The following RBFOX3 variants were observed in gnomAD, a reference collection of about 807,000 sequenced individuals.
RBFOX3 encodes RNA binding fox-1 homolog 3.
RBFOX3 carries 17 observed loss-of-function variants against 48.7 expected under a neutral mutation model. That is an observed-to-expected ratio of 0.35 (90% CI 0.24 to 0.52). The LOEUF (loss-of-function observed/expected upper bound fraction) is 0.52, where lower values mean the gene tolerates loss of function less well. Ranked by LOEUF, RBFOX3 falls within the 20% of genes least tolerant of loss-of-function variation. The pLI is 0.94. For missense variants in RBFOX3, 382 were observed against 497.5 expected, an observed-to-expected ratio of 0.77 and a Z score of 2.21; for synonymous variants, 212 against 209.5, an observed-to-expected ratio of 1.01 and a Z score of -0.10.
intron 3 of RBFOX3, among the ~76,000 whole-genome samples, chr17:79,278,439 G>T (rs922690367): frequency 6.6e-6 from 1 of 152,226 alleles, no homozygotes; most frequent in Non-Finnish European, 1.5e-5. Flanking sequence ...CAGAGTGGGG[G>T]AGGTTGAAGC....
At chr17:79,183,427 C>G (rs1026488094) in intron 4 of RBFOX3, 14 of 152,184 alleles carry the variant, frequency 9.2e-5, no homozygotes, top group African/African-American at 3.4e-4. Context: ...TCGGAGTGTG[C>G]GCGCGCCCTG....
intron 4 of RBFOX3, among the ~76,000 whole-genome samples, chr17:79,120,779 C>A (rs140699269): frequency 6.6e-6 from 1 of 151,302 alleles, no homozygotes; most frequent in African/African-American, 2.4e-5. Context: ...GATGGATAGA[C>A]GGATGAGTTT....
Position 79,212,781 on chromosome 17 carries a change from C to T in RBFOX3, c.-34+22985G>A, listed in dbSNP as rs1371978406. ...GCGGGGAATGGGAGAAAGTGCCTGG[C>T]TCTAAACAGAAGCCAGGCCCATTCT... is the stretch of plus-strand genomic sequence containing the variant. On this transcript the variant is annotated intron_variant, in intron 4 of 14. Coordinates refer to ENST00000693108, the MANE Select transcript of RBFOX3 (RefSeq NM_001350451.2). The surrounding 1 kb of genome is among the most constrained non-coding windows in gnomAD (Gnocchi z 4.7). Among the ~76,000 whole-genome samples, 1 of 152,126 alleles carries T rather than the reference C, an allele frequency of 6.6e-6. No homozygotes were observed. The highest frequency in any genetic ancestry group is 1.9e-4 in the East Asian group (1 of 5,170).
At chr17:79,430,269 C>CAAATAAATAAATAAATAAAT (rs56370699) in intron 2 of RBFOX3, among the ~76,000 whole-genome samples, 4 of 143,938 alleles carry the variant, frequency 2.8e-5, no homozygotes, top group Non-Finnish European at 3.0e-5. Flanking sequence ...AAACATCTTC[C>CAAATAAATAAATAAATAAAT]AAATAAATAA....
intron 1 of RBFOX3, among the ~76,000 whole-genome samples, chr17:79,555,824 T>C (rs965205775): frequency 3.2e-4 from 48 of 152,036 alleles, no homozygotes; most frequent in African/African-American, 1.1e-3. Flanking sequence ...ACGATGATGA[T>C]AGTAATGATG....
chr17:79,651,780 T>A, the RBFOX3 span, among the ~76,000 whole-genome samples: 1 of 141,508 alleles, frequency 7.1e-6, no homozygotes, highest in Non-Finnish European at 1.5e-5. Flanking sequence ...CCTCTCCCTG[T>A]CCATCCTTCT....
chr17:79,287,157 G>A (rs1294586411), intron 3 of RBFOX3, among the ~76,000 whole-genome samples: 1 of 152,212 alleles, frequency 6.6e-6, no homozygotes, highest in Admixed American at 6.5e-5. Flanking sequence ...CTCTTTTTAA[G>A]GGGACAATCG....
intron 4 of RBFOX3, among the ~76,000 whole-genome samples, chr17:79,193,122 G>A (rs987633653): frequency 3.3e-5 from 5 of 152,240 alleles, no homozygotes; most frequent in South Asian, 2.1e-4. Flanking sequence ...TCACTTGCTC[G>A]GTGGGGGCAG....
At chr17:79,219,687 T>C (rs563080966) in intron 4 of RBFOX3, among the ~76,000 whole-genome samples, 54 of 152,208 alleles carry the variant, frequency 3.5e-4, no homozygotes, top group African/African-American at 1.2e-3. Flanking sequence ...AAGCTGCTCG[T>C]GTCTGGGCTC....
At chr17:79,661,300 A>T in the RBFOX3 span, among the ~76,000 whole-genome samples, 6 of 152,218 alleles carry the variant, frequency 3.9e-5, no homozygotes, top group Middle Eastern at 3.4e-3. Context: ...GATTTTTTTT[A>T]AAAAAGGTTA....
intron 3 of RBFOX3, among the ~76,000 whole-genome samples, chr17:79,238,417 T>C (rs1276938896): frequency 1.3e-5 from 2 of 152,246 alleles, no homozygotes; most frequent in Non-Finnish European, 2.9e-5. Context: ...CTCGGGCCCA[T>C]GGGCTGAGAA....
intron 2 of RBFOX3, among the ~76,000 whole-genome samples, chr17:79,469,143 GA>G (rs34560473): frequency 6.6e-6 from 1 of 151,830 alleles, no homozygotes; most frequent in Admixed American, 6.6e-5. Context: ...AAAATGTAGG[GA>G]AAAAACCCCT....
In RBFOX3 at chr17:79,198,379, C is replaced by G. The variant is rs1057446150; in HGVS notation, c.-34+37387G>C. On this transcript the variant is annotated intron_variant, in intron 4 of 14. Transcript: ENST00000693108. The surrounding 1 kb of genome is among the most constrained non-coding windows in gnomAD (Gnocchi z 8.2). ...TGACTCAGGGGATGTCTTTCCAGCT[C>G]TCACGGGACTCAGTGCTAAGGTGAC... Among the ~76,000 whole-genome samples, 3 of 152,162 alleles carry G rather than the reference C, an allele frequency of 2.0e-5. No homozygotes were observed. Among genetic ancestry groups the G allele is most frequent in the Admixed American group, 2.0e-4 (3 of 15,280 alleles).
chr17:79,136,813 G>C (rs1251242299), intron 4 of RBFOX3, among the ~76,000 whole-genome samples: 1 of 152,188 alleles, frequency 6.6e-6, no homozygotes, highest in African/African-American at 2.4e-5. Context: ...CCATCAATCA[G>C]TAGCAAGCTC....
intron 4 of RBFOX3, among the ~76,000 whole-genome samples, chr17:79,143,262 C>T (rs1486358365): frequency 1.3e-5 from 2 of 151,964 alleles, no homozygotes; most frequent in African/African-American, 2.4e-5. Context: ...GTTCTCTGCC[C>T]ACCCTGCCTC....
At chr17:79,277,227 C>T (rs1286897881) in intron 3 of RBFOX3, among the ~76,000 whole-genome samples, 1 of 148,730 alleles carries the variant, frequency 6.7e-6, no homozygotes, top group Non-Finnish European at 1.5e-5. Context: ...CCTGGTTCTG[C>T]CCCACCTGCC....
intron 1 of RBFOX3, among the ~76,000 whole-genome samples, chr17:79,512,881 A>G (rs181292624): frequency 0.51 from 30,578 of 60,022 alleles, 8,578 homozygotes; most frequent in East Asian, 0.73. Flanking sequence ...CCGGATACGT[A>G]TTACCATCGG....
At chr17:79,282,821 C>T (rs1248214349) in intron 3 of RBFOX3, among the ~76,000 whole-genome samples, 1 of 152,156 alleles carries the variant, frequency 6.6e-6, no homozygotes, top group Admixed American at 6.5e-5. Flanking sequence ...CAGTTCCTGG[C>T]CTGATGGAGG....
rs967369942 is a variant in RBFOX3, at chr17:79,198,503, T to A, written c.-34+37263A>T. The stretch of plus-strand genomic sequence containing the variant: ...CACTCAAGCCTGTGGGACAGATGGG[T>A]ACAGCTGGAGACTGAGGCTTGGAGA... On this transcript the variant is annotated intron_variant, in intron 4 of 14. Transcript: ENST00000693108. This position sits in a 1 kb window ranked among gnomAD's most constrained non-coding sequence, Gnocchi z 8.2. Among the ~76,000 whole-genome samples the A allele has an allele frequency of 2.0e-5, 3 of 152,158 alleles. No individual in the cohort carries two copies. The highest frequency in any genetic ancestry group is 2.9e-5 in the Non-Finnish European group (2 of 68,020).
Sources: allele counts gnomAD v4.1 joint callset (sites outside exome capture counted in the v4.1 genomes callset), GRCh38; gene constraint gnomAD v4.1.1; non-coding constraint Gnocchi (gnomAD v3.1); transcripts MANE v1.5; gene names NCBI Gene and HGNC (gene_info 2026-07-23, HGNC 2026-07-21).